Variants in PREX1 observed in about 807,000 individuals in gnomAD.
The protein encoded by PREX1 is phosphatidylinositol 3,4,5-trisphosphate-dependent Rac exchanger 1 protein.
PREX1 carries 41 observed loss-of-function variants against 198.3 expected under a neutral mutation model. That is an observed-to-expected ratio of 0.21 (90% CI 0.16 to 0.27). The LOEUF (loss-of-function observed/expected upper bound fraction) is 0.27, where lower values mean the gene tolerates loss of function less well. PREX1 is among the 10% of genes least tolerant of loss of function. PREX1 has a pLI of 1.00. For missense variants in PREX1, 1,620 were observed against 2,200.7 expected, an observed-to-expected ratio of 0.74 and a Z score of 5.28; for synonymous variants, 843 against 887.2, an observed-to-expected ratio of 0.95 and a Z score of 0.89.
At chr20:48,766,256 G>T (rs954580340) in intron 1 of PREX1, among the ~76,000 whole-genome samples, 2 of 152,172 alleles carry the variant, frequency 1.3e-5, no homozygotes, top group Admixed American at 1.3e-4. Flanking sequence ...GGAAAAAAAT[G>T]TCTTCCAGGA....
rs2089324043 is a variant in PREX1, at chr20:48,632,623, G to A, written c.4284C>T (p.Tyr1428=). 1 of 1,613,888 alleles carries A rather than the reference G, an allele frequency of 6.2e-7. No individual in the cohort carries two copies. The highest frequency in any genetic ancestry group is 8.5e-7 in the Non-Finnish European group (1 of 1,179,886). The change falls in exon 34 of 40, where the codon TAC becomes TAT. Residue 1428 remains tyrosine, a synonymous_variant. Transcript: ENST00000371941. ...GCGCCTGCCGGCTGCCCTCAATGTG[G>A]TAGAAGACGTTGGTGTCTGCGGAAG... ...ENYVANTNVF[Y]HIEGSRQALK... is the part of the protein sequence containing the mutation.
chr20:48,807,564 T>C (rs1336116686), intron 1 of PREX1, among the ~76,000 whole-genome samples: 2 of 152,176 alleles, frequency 1.3e-5, no homozygotes, highest in Non-Finnish European at 2.9e-5. Context: ...AACTTACATC[T>C]TTACCTACTT....
chr20:48,655,189 T>C, intron 19 of PREX1, 101 bp downstream of exon 19: 1 of 1,190,152 alleles, frequency 8.4e-7, no homozygotes, highest in Non-Finnish European at 1.2e-6. Context: ...TGGTACATTG[T>C]CTGGCAGAAG....
chr20:48,693,133 C>T (rs548935700), intron 7 of PREX1, among the ~76,000 whole-genome samples: 2 of 152,326 alleles, frequency 1.3e-5, no homozygotes, highest in Admixed American at 1.3e-4. Context: ...TTCTCAAAGA[C>T]AGGAACTTCC....
chr20:48,693,184 G>GTCCATCCA (rs1394187395), intron 7 of PREX1, among the ~76,000 whole-genome samples: 6 of 121,770 alleles, frequency 4.9e-5, no homozygotes, highest in Non-Finnish European at 1.7e-5. Context: ...GGAACTGGCA[G>GTCCATCCA]TCCGTCCATC....
chr20:48,765,424 G>A (rs1179962504), intron 1 of PREX1, among the ~76,000 whole-genome samples: 3 of 152,198 alleles, frequency 2.0e-5, no homozygotes, highest in African/African-American at 7.2e-5. Flanking sequence ...CATTTAGAAA[G>A]ATCAGATAAG....
intron 14 of PREX1, among the ~76,000 whole-genome samples, chr20:48,667,153 A>G (rs2089646001): frequency 1.3e-5 from 2 of 152,172 alleles, no homozygotes; most frequent in Non-Finnish European, 2.9e-5. Flanking sequence ...AGGTGCCCTC[A>G]TGGCTGGAAA....
intron 1 of PREX1, among the ~76,000 whole-genome samples, chr20:48,826,615 G>A (rs1336960910): frequency 6.6e-6 from 1 of 152,198 alleles, no homozygotes; most frequent in African/African-American, 2.4e-5. Context: ...CTGCACTTTG[G>A]AGGCCGAGGT....
At chr20:48,676,158 G>A in intron 14 of PREX1, 35 bp downstream of exon 14, 1 of 1,591,138 alleles carries the variant, frequency 6.3e-7, no homozygotes. Flanking sequence ...GGACAAAGCA[G>A]AACACTGGTC....
upstream of PREX1, among the ~76,000 whole-genome samples, chr20:48,832,142 GA>G (rs11481327): frequency 5.8e-4 from 87 of 150,642 alleles, 1 homozygote; most frequent in Middle Eastern, 6.8e-3. Flanking sequence ...TCAGGGGGAA[GA>G]AAAAAAAAGT....
intron 3 of PREX1, among the ~76,000 whole-genome samples, chr20:48,742,560 A>G (rs1279019260): frequency 6.6e-6 from 1 of 152,034 alleles, no homozygotes; most frequent in South Asian, 2.1e-4. Flanking sequence ...AGCACAGAAC[A>G]ACTTCCCACA....
intron 14 of PREX1, among the ~76,000 whole-genome samples, chr20:48,672,599 C>T (rs2089683090): frequency 6.6e-6 from 1 of 152,382 alleles, no homozygotes; most frequent in Admixed American, 6.5e-5. Context: ...CCACTCCTCT[C>T]CCCTCTCACT....
chr20:48,728,480 C>G (rs144793779), intron 4 of PREX1, among the ~76,000 whole-genome samples: 1 of 152,228 alleles, frequency 6.6e-6, no homozygotes, highest in Non-Finnish European at 1.5e-5. Flanking sequence ...TCTGGGGACC[C>G]CAGGTCCCAG....
chr20:48,719,065 T>C (rs1568837957), intron 5 of PREX1, among the ~76,000 whole-genome samples: 1 of 152,230 alleles, frequency 6.6e-6, no homozygotes. Flanking sequence ...ACAGCAAGCC[T>C]GGGAGGTAAC....
the PREX1 span, among the ~76,000 whole-genome samples, chr20:48,861,492 T>C: frequency 0.043 from 6,583 of 152,254 alleles, 216 homozygotes; most frequent in African/African-American, 0.088. Flanking sequence ...GGTTCCCCCT[T>C]GGATGGGGCT....
At chr20:48,711,591 TA>T (rs1398956143) in intron 5 of PREX1, among the ~76,000 whole-genome samples, 1 of 152,026 alleles carries the variant, frequency 6.6e-6, no homozygotes, top group Admixed American at 6.6e-5. Context: ...CCCGTTTTTG[TA>T]AAAAAAAGTT....
At chr20:48,803,356 G>A (rs1195933959) in intron 1 of PREX1, among the ~76,000 whole-genome samples, 5 of 152,122 alleles carry the variant, frequency 3.3e-5, no homozygotes, top group East Asian at 1.9e-4. Flanking sequence ...ATGCGGGTGG[G>A]GGAGGGAGAA....
intron 1 of PREX1, among the ~76,000 whole-genome samples, chr20:48,764,028 C>A (rs2090196599): frequency 6.6e-6 from 1 of 152,220 alleles, no homozygotes; most frequent in Non-Finnish European, 1.5e-5. Flanking sequence ...ACCTCGGGGC[C>A]ATCAGAGTCC....
the PREX1 span, among the ~76,000 whole-genome samples, chr20:48,837,725 T>G: frequency 6.6e-6 from 1 of 152,098 alleles, no homozygotes; most frequent in African/African-American, 2.4e-5. Context: ...GGTACTAGGC[T>G]TAGTATCTGG....
Sources: gnomAD v4.1 joint callset for allele counts (sites outside exome capture counted in the v4.1 genomes callset) on GRCh38, gnomAD v4.1.1 for gene constraint, MANE v1.5 for transcripts, NCBI Gene and HGNC (gene_info 2026-07-23, HGNC 2026-07-21) for gene names.